The following ZNF532 variants were observed in gnomAD, a reference collection of about 807,000 sequenced individuals.
ZNF532 encodes the protein zinc finger protein 532.
ZNF532 carries 22 observed loss-of-function variants against 89.3 expected under a neutral mutation model. The observed-to-expected ratio is 0.25, with a 90% confidence interval of 0.18 to 0.35. The LOEUF is 0.35. Ranked by LOEUF, ZNF532 falls within the 10% of genes least tolerant of loss-of-function variation. The pLI is 1.00. For synonymous variants in ZNF532, 606 were observed against 649.6 expected, an observed-to-expected ratio of 0.93 and a Z score of 1.02; for missense variants, 1,132 against 1,643.4, an observed-to-expected ratio of 0.69 and a Z score of 5.38.
chr18:58,878,962 C>A (rs2057662850), intron 2 of ZNF532, among the ~76,000 whole-genome samples: 1 of 152,224 alleles, frequency 6.6e-6, no homozygotes, highest in Admixed American at 6.5e-5. Flanking sequence ...TCCTGTGTCT[C>A]CATGTCCTCA....
At chr18:58,888,861 T>A (rs2058640989) in intron 2 of ZNF532, among the ~76,000 whole-genome samples, 1 of 49,384 alleles carries the variant, frequency 2.0e-5, no homozygotes, top group African/African-American at 1.3e-4. Flanking sequence ...ATAATTTATA[T>A]ATATATAATA....
intron 2 of ZNF532, among the ~76,000 whole-genome samples, chr18:58,912,066 G>C (rs533545765): frequency 6.6e-6 from 1 of 152,064 alleles, no homozygotes; most frequent in Non-Finnish European, 1.5e-5. Context: ...CCTTGAGGGA[G>C]GAGTGTGGAA....
chr18:58,897,050 G>GT (rs982816637), intron 2 of ZNF532, among the ~76,000 whole-genome samples: 10 of 152,006 alleles, frequency 6.6e-5, no homozygotes, highest in African/African-American at 2.2e-4. Flanking sequence ...TTCTCTTTCT[G>GT]TTTTTTCCCC....
chr18:58,942,070 T>G (rs781209691), intron 5 of ZNF532, among the ~76,000 whole-genome samples: 47 of 145,338 alleles, frequency 3.2e-4, no homozygotes, highest in Non-Finnish European at 5.4e-4. Flanking sequence ...TCGCCCAGGC[T>G]GGAGTGCAGT....
At chr18:58,890,120 A>T (rs1197356850) in intron 2 of ZNF532, among the ~76,000 whole-genome samples, 2 of 151,328 alleles carry the variant, frequency 1.3e-5, no homozygotes. Flanking sequence ...GGTGGCACAC[A>T]CTTGTAATCC....
At chr18:58,942,023 T>G (rs920533148) in intron 5 of ZNF532, among the ~76,000 whole-genome samples, 1 of 140,564 alleles carries the variant, frequency 7.1e-6, no homozygotes, top group African/African-American at 2.6e-5. Context: ...TTTCTTTTCT[T>G]TTTTTCTACC....
intron 7 of ZNF532, among the ~76,000 whole-genome samples, chr18:58,962,317 C>T (rs2065436413): frequency 6.6e-6 from 1 of 152,134 alleles, no homozygotes; most frequent in East Asian, 1.9e-4. Flanking sequence ...TATGTAGTAG[C>T]CATTGCTAGT....
chr18:58,919,825 C>T lies in ZNF532; in HGVS notation c.1538C>T (p.Ala513Val). 1 of 1,614,028 alleles carries T rather than the reference C, an allele frequency of 6.2e-7. No homozygotes were observed. Among genetic ancestry groups the T allele is most frequent in the Non-Finnish European group, 8.5e-7 (1 of 1,179,890 alleles). Reference protein sequence around the residue: ...QTVVVPASSLANAKLVPKTVH... With the variant: ...QTVVVPASSLVNAKLVPKTVH... ...GTCGTGGTGCCGGCATCCAGCCTGG[C>T]CAATGCCAAACTCGTGCCAAAGACT... Residue 513 changes from alanine to valine, a missense_variant, in exon 3 of 10, where the codon GCC (alanine) becomes GTC (valine). This residue lies in a region of ZNF532 where 97 missense variants were observed against 143.7 expected (regional missense o/e 0.68). Coordinates refer to ENST00000591808, the MANE Select transcript of ZNF532 (RefSeq NM_001375912.1). This position sits in a 1 kb window ranked among gnomAD's most constrained non-coding sequence, Gnocchi z 6.1.
chr18:58,957,085 T>C (rs192976535), intron 7 of ZNF532, among the ~76,000 whole-genome samples: 23 of 152,340 alleles, frequency 1.5e-4, no homozygotes, highest in Non-Finnish European at 2.5e-4. Flanking sequence ...TGGGTACATA[T>C]TTAGTGATCT....
chr18:58,886,272 C>A (rs763226953), intron 2 of ZNF532, among the ~76,000 whole-genome samples: 1 of 152,170 alleles, frequency 6.6e-6, no homozygotes, highest in African/African-American at 2.4e-5. Context: ...TGAGCCACTG[C>A]ACCTGGTCCT....
intron 7 of ZNF532, among the ~76,000 whole-genome samples, chr18:58,975,337 C>T (rs1022595970): frequency 6.6e-6 from 1 of 152,172 alleles, no homozygotes; most frequent in African/African-American, 2.4e-5. Context: ...GTAGGACTCC[C>T]AGGACAAGGT....
At chr18:58,948,712 C>T (rs903789297) in intron 6 of ZNF532, among the ~76,000 whole-genome samples, 1 of 151,930 alleles carries the variant, frequency 6.6e-6, no homozygotes, top group Non-Finnish European at 1.5e-5. Context: ...GGATTACAGG[C>T]GTGTACCACC....
At chr18:58,977,372 C>T (rs1188658563) in intron 7 of ZNF532, 1 of 152,158 alleles carries the variant, frequency 6.6e-6, no homozygotes, top group Non-Finnish European at 1.5e-5. Flanking sequence ...GCCCACCTCA[C>T]AGGGGTGGGA....
chr18:58,973,443 G>A (rs1294848856), intron 7 of ZNF532, among the ~76,000 whole-genome samples: 15 of 152,156 alleles, frequency 9.9e-5, no homozygotes. Flanking sequence ...TTAGAGAAAT[G>A]CAAATTAAAA....
rs748753838 is a variant in ZNF532, at chr18:58,920,392, C to T, written c.2105C>T (p.Thr702Ile). 2.2e-5 allele frequency: 35 copies of T among 1,613,868 alleles called. No individual in the cohort carries two copies. The highest frequency in any genetic ancestry group is 9.3e-6 in the Non-Finnish European group (11 of 1,179,872). Residue 702 changes from threonine (T) to isoleucine (I), a missense_variant, in exon 3 of 10, where the codon ACT (threonine) becomes ATT (isoleucine). Physicochemically the swap from Thr to Ile is moderately conservative, Grantham distance 89. Transcript: ENST00000591808. ...CCGTCAAGCAATACTTCCACTTCAA[C>T]TTCCACTCTTCAGAGCCCTGTGGGA... Reference protein sequence around the residue: ...VSPSSNTSTSTSTLQSPVGAG... With the variant: ...VSPSSNTSTSISTLQSPVGAG...
intron 5 of ZNF532, among the ~76,000 whole-genome samples, chr18:58,942,061 C>CTT (rs2063140801): frequency 7.1e-6 from 1 of 140,550 alleles, no homozygotes; most frequent in Non-Finnish European, 1.5e-5. Context: ...CTCGCTGTGT[C>CTT]GCCCAGGCTG....
At chr18:58,925,803 G>T (rs556191791) in intron 3 of ZNF532, among the ~76,000 whole-genome samples, 2 of 152,150 alleles carry the variant, frequency 1.3e-5, no homozygotes, top group Non-Finnish European at 2.9e-5. Context: ...GATTTAGGTG[G>T]AGGGTCATTT....
chr18:58,933,301 A>C (rs779380900), intron 3 of ZNF532, among the ~76,000 whole-genome samples: 1 of 152,178 alleles, frequency 6.6e-6, no homozygotes, highest in Non-Finnish European at 1.5e-5. Flanking sequence ...GAAAATCAAG[A>C]AAGAATTTTC....
intron 2 of ZNF532, among the ~76,000 whole-genome samples, chr18:58,893,442 G>A (rs2059038107): frequency 6.6e-6 from 1 of 152,008 alleles, no homozygotes; most frequent in African/African-American, 2.4e-5. Context: ...TGAGATGGGT[G>A]GATCGCTTGC....
Sources: allele counts gnomAD v4.1 joint callset (sites outside exome capture counted in the v4.1 genomes callset), GRCh38; gene constraint gnomAD v4.1.1; regional missense constraint gnomAD v4.1.1; non-coding constraint Gnocchi (gnomAD v3.1); transcripts MANE v1.5; gene names NCBI Gene and HGNC (gene_info 2026-07-23, HGNC 2026-07-21).